Variants in MYBBP1A observed in about 807,000 individuals in gnomAD.
MYBBP1A encodes MYB binding protein 1a.
Under a neutral mutation model 136.3 loss-of-function variants are expected in MYBBP1A, and 147 were observed. That is an observed-to-expected ratio of 1.08 (90% CI 0.94 to 1.24). The LOEUF is 1.24. MYBBP1A is among the 50% of genes most tolerant of loss of function. The probability of loss-of-function intolerance (pLI) is 0.00; values close to 1 mark genes in which losing one functional copy is unlikely to be tolerated. For synonymous variants in MYBBP1A, 947 were observed against 735.8 expected (o/e 1.29, Z -4.65); for missense variants, 2,060 against 1,727.4 (o/e 1.19, Z -3.41).
In MYBBP1A at chr17:4,545,303, C is replaced by G. The variant is rs1190722935; in HGVS notation, c.2116G>C (p.Val706Leu). Residue 706 changes from valine to leucine, a missense_variant, in exon 16 of 26, where the codon GTG (valine) becomes CTG (leucine). Val to Leu is a conservative substitution (Grantham distance 32). Coordinates refer to ENST00000254718, the MANE Select transcript of MYBBP1A (RefSeq NM_014520.4). The part of the protein sequence containing the change: ...ETSEDENDRV[V>L]VTDDSDERRL... ...CGCTCATCAGAATCGTCCGTCACCACCACACGGTCATTCTCATCCTCACTG... is the reference window on the plus strand; with the variant it reads ...CGCTCATCAGAATCGTCCGTCACCAGCACACGGTCATTCTCATCCTCACTG... The G allele has an allele frequency of 3.1e-6, 5 of 1,613,426 alleles. No individual in the cohort carries two copies. The highest frequency in any genetic ancestry group is 4.2e-6 in the Non-Finnish European group (5 of 1,179,978).
Position 4,545,845 on chromosome 17 carries a change from C to T in MYBBP1A, c.1921+1G>A. ...AGTCCCTCTCGTGACCAAGGACCCACCGATGGTCTTGGTGCGGCTCCGGCG... is the reference window on the plus strand; with the variant it reads ...AGTCCCTCTCGTGACCAAGGACCCATCGATGGTCTTGGTGCGGCTCCGGCG... On this transcript the variant is annotated splice_donor_variant, in intron 14 of 25. Transcript: ENST00000254718. LOFTEE classifies it high-confidence loss of function. 6.2e-7 allele frequency: 1 copy of T among 1,612,992 alleles called. No individual in the cohort carries two copies.
At chr17:4,543,371 C>T in intron 19 of MYBBP1A, 1 of 655,166 alleles carries the variant, frequency 1.5e-6, no homozygotes, top group Non-Finnish European at 2.5e-6. Flanking sequence ...GACAGGGGCG[C>T]TCCAGGGGAG....
intron 9 of MYBBP1A, among the ~76,000 whole-genome samples, chr17:4,549,785 CAAAAAAAAA>C (rs60360356): frequency 1.1e-4 from 7 of 65,394 alleles, no homozygotes; most frequent in Admixed American, 5.5e-4. Flanking sequence ...GAGACTCTGT[CAAAAAAAAA>C]AAAAAAAAAA....
Position 4,548,815 on chromosome 17 carries a change from G to A in MYBBP1A, c.1431-166C>T, listed in dbSNP as rs1907243027. 6.6e-6 allele frequency among the ~76,000 whole-genome samples: 1 copy of A among 152,238 alleles called. No individual in the cohort carries two copies. Reference sequence around the variant, plus strand: ...CTGACGGGCAAGGCTGGAGGGGGCTGGGCTGGGCTAGGATGGGAAGGGGCC... The same window carrying A: ...CTGACGGGCAAGGCTGGAGGGGGCTAGGCTGGGCTAGGATGGGAAGGGGCC... On this transcript the variant is annotated intron_variant, in intron 10 of 25. Transcript: ENST00000254718. The surrounding 1 kb of genome is among the most constrained non-coding windows in gnomAD (Gnocchi z 4.2).
chr17:4,554,100 A>G lies in MYBBP1A; in HGVS notation c.379-7T>C. ...GAGCAGGTCTCAGCATTGCCTAGAA[A>G]AGGATTCCAGGCACAGGCATGAGGG... On this transcript the variant is annotated splice_region_variant and splice_polypyrimidine_tract_variant and intron_variant, in intron 3 of 25. Coordinates refer to ENST00000254718, the MANE Select transcript of MYBBP1A (RefSeq NM_014520.4). 1.9e-6 allele frequency: 3 copies of G among 1,613,938 alleles called. No individual in the cohort carries two copies. The highest frequency in any genetic ancestry group is 2.5e-6 in the Non-Finnish European group (3 of 1,179,972).
Position 4,544,494 on chromosome 17 carries a change from G to A in MYBBP1A, c.2634C>T (p.Ile878=). Residue 878 remains isoleucine (I), a synonymous_variant, in exon 19 of 26, where the codon ATC becomes ATT. Coordinates refer to ENST00000254718, the MANE Select transcript of MYBBP1A (RefSeq NM_014520.4). The part of the protein sequence containing the change: ...EQDLLHKTAR[I]FTHHLCRARR... ...CCCTGCACCCCCGTGCTCACGTGAA[G>A]ATGCGCGCCGTCTTGTGCAGAAGGT... 1 of 1,549,530 alleles carries A rather than the reference G, an allele frequency of 6.5e-7. No homozygotes were observed. The highest frequency in any genetic ancestry group is 8.7e-7 in the Non-Finnish European group (1 of 1,147,736).
chr17:4,543,816 C>CA (rs1906691253), intron 19 of MYBBP1A, among the ~76,000 whole-genome samples: 1 of 152,166 alleles, frequency 6.6e-6, no homozygotes, highest in South Asian at 2.1e-4. Flanking sequence ...CCTCTGCCTC[C>CA]AGCACAGCCC....
At chr17:4,545,490 A>G in intron 15 of MYBBP1A, 120 bp downstream of exon 15, 2 of 1,483,356 alleles carry the variant, frequency 1.3e-6, no homozygotes, top group South Asian at 2.6e-5. Flanking sequence ...CCTCGTTGAG[A>G]CCCCTCCCAC....
chr17:4,549,659 C>G lies in MYBBP1A; in HGVS notation c.1320-217G>C, dbSNP rs573770796. 8.3e-4 allele frequency among the ~76,000 whole-genome samples: 126 copies of G among 152,084 alleles called. 3 individuals carry two copies. In the South Asian group the frequency reaches 0.025, roughly 30 times the overall value. On this transcript the variant is annotated intron_variant, in intron 9 of 25. Transcript: ENST00000254718. ...GGGTGTGGTGGCGGGTGCCTGTAGTCCCAGCTACTGGAGAGGCTGAGGCAG... is the reference window on the plus strand; with the variant it reads ...GGGTGTGGTGGCGGGTGCCTGTAGTGCCAGCTACTGGAGAGGCTGAGGCAG...
Position 4,539,462 on chromosome 17 carries a change from TCTGAAGCAGG to T in MYBBP1A, c.3930_3939del (p.Ser1310ArgfsTer10). 6.2e-7 allele frequency: 1 copy of T among 1,613,972 alleles called. No homozygotes were observed. Among genetic ancestry groups the T allele is most frequent in the Non-Finnish European group, 8.5e-7 (1 of 1,180,000 alleles). ...ACCTGTGCTTTCTTCTTGGCCCCAC[TCTGAAGCAGG>T]CTGGGACTCCTGATGACCAAAGACA... On this transcript the variant is annotated frameshift_variant, in exon 26 of 26. Coordinates refer to ENST00000254718, the MANE Select transcript of MYBBP1A (RefSeq NM_014520.4). LOFTEE classifies it low-confidence loss of function (END_TRUNC).
At position 4,552,501 on chromosome 17, in the gene MYBBP1A, G is replaced by T. The variant is rs748959248; in HGVS notation, c.687C>A (p.Leu229=). 37 of 1,613,786 alleles carry T rather than the reference G, an allele frequency of 2.3e-5. No individual in the cohort carries two copies. Among genetic ancestry groups the T allele is most frequent in the Non-Finnish European group, 3.1e-5 (37 of 1,180,042 alleles). Residue 229 remains leucine, a synonymous_variant, in exon 6 of 26, where the codon CTC becomes CTA. Coordinates refer to ENST00000254718, the MANE Select transcript of MYBBP1A (RefSeq NM_014520.4). The surrounding 1 kb of genome is among the most constrained non-coding windows in gnomAD (Gnocchi z 4.7). ...GGTTCACGGATCCCACCAGCTTCTT[G>T]AGCTTGGAGGGCACCTTCTGCTGGG... ...LLAQQKVPSK[L]KKLVGSVNLF...
At chr17:4,554,319 A>T (rs1430387058) in intron 2 of MYBBP1A, 41 bp from the exon 3 acceptor site, 1 of 1,574,294 alleles carries the variant, frequency 6.4e-7, no homozygotes, top group Non-Finnish European at 8.7e-7. Context: ...GGTTCAGGAG[A>T]GTGGCCCAAC....
chr17:4,555,044 GCCC>G lies in MYBBP1A; in HGVS notation c.198+80_198+82del, dbSNP rs538392408. 190 of 1,584,776 alleles carry G rather than the reference GCCC, an allele frequency of 1.2e-4. 5 individuals carry two copies. In the South Asian group the frequency reaches 2.0e-3, roughly 17 times the overall value. On this transcript the variant is annotated intron_variant, in intron 1 of 25. Coordinates refer to ENST00000254718, the MANE Select transcript of MYBBP1A (RefSeq NM_014520.4). Reference sequence around the variant, plus strand: ...CTGGCATCCAGGTTCGCGACCACGTGCCCCCAGTCTCAACTCCCTGGGCCCGCC... The same window carrying G: ...CTGGCATCCAGGTTCGCGACCACGTGCCAGTCTCAACTCCCTGGGCCCGCC...
chr17:4,544,701 G>A (rs1906798415), intron 18 of MYBBP1A, 50 bp downstream of exon 18: 1 of 1,505,362 alleles, frequency 6.6e-7, no homozygotes, highest in Non-Finnish European at 8.9e-7. Context: ...GGGAGGCGGG[G>A]GTGGGCGCAC....
intron 13 of MYBBP1A, chr17:4,547,708 G>C: frequency 2.3e-6 from 1 of 436,898 alleles, no homozygotes; most frequent in Non-Finnish European, 4.0e-6. Flanking sequence ...CAAACATGGA[G>C]AGGGGGTGTC....
Position 4,542,981 on chromosome 17 carries a change from A to G in MYBBP1A, c.2824T>C (p.Cys942Arg). Reference sequence around the variant, plus strand: ...TGCTTCTCCTGTGTCTCATGCACGCAGCCCTCAGCAGTGTTGCCCTTCAAG... The same window carrying G: ...TGCTTCTCCTGTGTCTCATGCACGCGGCCCTCAGCAGTGTTGCCCTTCAAG... ...RVLKGNTAEG[C>R]VHETQEKQKA... Residue 942 changes from cysteine to arginine, a missense_variant, in exon 20 of 26, where the codon TGC becomes CGC. By Grantham distance (180) the Cys-to-Arg change is radical. Coordinates refer to ENST00000254718, the MANE Select transcript of MYBBP1A (RefSeq NM_014520.4). The G allele has an allele frequency of 6.2e-7, 1 of 1,614,058 alleles. No individual in the cohort carries two copies. Among genetic ancestry groups the G allele is most frequent in the South Asian group, 1.1e-5 (1 of 91,090 alleles).
intron 19 of MYBBP1A, among the ~76,000 whole-genome samples, chr17:4,543,581 A>G (rs915809590): frequency 6.6e-6 from 1 of 151,942 alleles, no homozygotes; most frequent in Admixed American, 6.6e-5. Flanking sequence ...ATGCTCAACA[A>G]ACGACACTGT....
In MYBBP1A at chr17:4,548,325, G is replaced by A; in HGVS notation, c.1557-15C>T. On this transcript the variant is annotated splice_polypyrimidine_tract_variant and intron_variant, in intron 11 of 25. Transcript: ENST00000254718. This position sits in a 1 kb window ranked among gnomAD's most constrained non-coding sequence, Gnocchi z 4.2. Reference sequence around the variant, plus strand: ...TCTGCAACAGACTGGGCAAGGGATGGGGCTTGGGGTCAGCAGACCAGATGA... The same window carrying A: ...TCTGCAACAGACTGGGCAAGGGATGAGGCTTGGGGTCAGCAGACCAGATGA... 1.2e-6 allele frequency: 2 copies of A among 1,610,498 alleles called. No homozygotes were observed. Among genetic ancestry groups the A allele is most frequent in the South Asian group, 2.2e-5 (2 of 91,072 alleles).
Position 4,545,334 on chromosome 17 carries a change from G to A in MYBBP1A, c.2085C>T (p.Pro695=), listed in dbSNP as rs765414326. The A allele has an allele frequency of 2.7e-5, 44 of 1,612,842 alleles. No homozygotes were observed. The highest frequency in any genetic ancestry group is 4.0e-5 in the African/African-American group (3 of 74,698). Reference sequence around the variant, plus strand: ...GGTCATTCTCATCCTCACTGGTCTCGGGGTTCAGCACCTGGGGAGGGGTGC... The same window carrying A: ...GGTCATTCTCATCCTCACTGGTCTCAGGGTTCAGCACCTGGGGAGGGGTGC... ...ALQLILDVLN[P]ETSEDENDRV... is the part of the protein sequence containing the mutation. Residue 695 remains proline, a synonymous_variant, in exon 16 of 26, where the codon CCC becomes CCT. Coordinates refer to ENST00000254718, the MANE Select transcript of MYBBP1A (RefSeq NM_014520.4).
Sources: gnomAD v4.1 joint callset for allele counts (sites outside exome capture counted in the v4.1 genomes callset) on GRCh38, gnomAD v4.1.1 for gene constraint, Gnocchi (gnomAD v3.1) non-coding constraint, MANE v1.5 for transcripts, NCBI Gene and HGNC (gene_info 2026-07-23, HGNC 2026-07-21) for gene names.